The following PEX7 variants were observed in gnomAD, a reference collection of about 807,000 sequenced individuals.
The protein encoded by PEX7 is peroxisomal biogenesis factor 7, also known as PTS2 receptor.
In PEX7, 34 loss-of-function variants were observed where a neutral mutation model predicts 47.5. The ratio of observed to expected loss-of-function variants is 0.72; its 90% CI spans 0.54 to 0.95. The LOEUF is 0.95. PEX7 is among the 40% of genes least tolerant of loss of function. PEX7 has a pLI of 0.00. For synonymous variants in PEX7, 141 were observed against 148.8 expected, an observed-to-expected ratio of 0.95 and a Z score of 0.38; for missense variants, 394 against 400.3, an observed-to-expected ratio of 0.98 and a Z score of 0.13.
chr6:136,878,664 G>GT lies in PEX7; in HGVS notation c.803+6413dup, dbSNP rs1351267959. ...TTAAACAGTTTTGTTGAACCATTTT[G>GT]TTCTAGGTATGTTTTTGTATAGAGT... On this transcript the variant is annotated intron_variant, in intron 8 of 9. Transcript: ENST00000318471. 2.0e-5 allele frequency among the ~76,000 whole-genome samples: 3 copies of GT among 152,158 alleles called. No individual in the cohort carries two copies. The South Asian group carries it at 6.2e-4, about 32-fold the overall frequency.
At chr6:136,872,149 A>G (rs1293121096) in intron 7 of PEX7, 49 bp from the exon 8 acceptor site, 1 of 1,488,922 alleles carries the variant, frequency 6.7e-7, no homozygotes. Context: ...CAGTGTTATA[A>G]TCACAGCTGA....
chr6:136,892,799 A>G (rs987930553), intron 8 of PEX7, among the ~76,000 whole-genome samples: 15 of 152,314 alleles, frequency 9.8e-5, no homozygotes, highest in African/African-American at 3.4e-4. Flanking sequence ...ATCTTTTTTG[A>G]TGTCTTCTGT....
intron 6 of PEX7, among the ~76,000 whole-genome samples, chr6:136,868,051 A>G (rs1775107029): frequency 6.6e-6 from 1 of 152,222 alleles, no homozygotes; most frequent in African/African-American, 2.4e-5. Flanking sequence ...TACCTTTTCT[A>G]TGTTTAGATA....
chr6:136,865,911 C>T (rs559948644), intron 5 of PEX7, among the ~76,000 whole-genome samples: 32 of 152,098 alleles, frequency 2.1e-4, no homozygotes, highest in Admixed American at 4.6e-4. Flanking sequence ...GGCGAAACCC[C>T]GTCTCTACTA....
chr6:136,899,485 C>A (rs1000368115), intron 9 of PEX7, among the ~76,000 whole-genome samples: 4 of 152,112 alleles, frequency 2.6e-5, no homozygotes, highest in Admixed American at 6.5e-5. Flanking sequence ...CTCAAGTGAT[C>A]CACCTGCTTT....
intron 8 of PEX7, among the ~76,000 whole-genome samples, chr6:136,873,423 T>C (rs376528036): frequency 2.6e-5 from 4 of 152,128 alleles, no homozygotes; most frequent in African/African-American, 9.7e-5. Context: ...GGTAAACATA[T>C]GTAGTTTTGT....
At chr6:136,901,983 C>G (rs768628670) in intron 9 of PEX7, among the ~76,000 whole-genome samples, 3 of 152,150 alleles carry the variant, frequency 2.0e-5, no homozygotes, top group South Asian at 4.1e-4. Flanking sequence ...TGGGGTTTCT[C>G]TATGTTGGCC....
chr6:136,830,329 A>T, intron 3 of PEX7: 1 of 307,644 alleles, frequency 3.3e-6, no homozygotes. Flanking sequence ...CCAGTTACCC[A>T]CTTTACCACT....
At chr6:136,870,709 A>T (rs968366974) in intron 7 of PEX7, 5 of 387,030 alleles carry the variant, frequency 1.3e-5, no homozygotes, top group Middle Eastern at 8.5e-4. Context: ...AAAATTCTAA[A>T]TTTTTTTTTC....
intron 3 of PEX7, among the ~76,000 whole-genome samples, chr6:136,839,564 T>C (rs1477686454): frequency 6.6e-6 from 1 of 152,184 alleles, no homozygotes; most frequent in Non-Finnish European, 1.5e-5. Context: ...CAGATAGGCC[T>C]CTAGAGGACC....
At chr6:136,888,656 G>C (rs1299529270) in intron 8 of PEX7, among the ~76,000 whole-genome samples, 1 of 152,118 alleles carries the variant, frequency 6.6e-6, no homozygotes, top group Non-Finnish European at 1.5e-5. Flanking sequence ...GGTAGGACTT[G>C]TCTGTTTTAT....
At chr6:136,877,732 T>C (rs1775301098) in intron 8 of PEX7, among the ~76,000 whole-genome samples, 1 of 152,226 alleles carries the variant, frequency 6.6e-6, no homozygotes, top group African/African-American at 2.4e-5. Flanking sequence ...TAGTATACTT[T>C]GAAGTCAGGT....
intron 8 of PEX7, among the ~76,000 whole-genome samples, chr6:136,896,299 A>G (rs1305081550): frequency 6.6e-6 from 1 of 152,192 alleles, no homozygotes; most frequent in Non-Finnish European, 1.5e-5. Flanking sequence ...CTAAATTTCA[A>G]ATGAAGTCAG....
At chr6:136,866,353 A>T (rs985486759) in intron 5 of PEX7, among the ~76,000 whole-genome samples, 1 of 152,070 alleles carries the variant, frequency 6.6e-6, no homozygotes, top group African/African-American at 2.4e-5. Flanking sequence ...CCTCGAACAC[A>T]CACCAGCTGT....
At chr6:136,856,581 G>A (rs1340142097) in intron 5 of PEX7, among the ~76,000 whole-genome samples, 1 of 152,172 alleles carries the variant, frequency 6.6e-6, no homozygotes, top group East Asian at 1.9e-4. Flanking sequence ...TCTGTCATGG[G>A]CTCTGATGCG....
chr6:136,835,707 T>C (rs1360514993), intron 3 of PEX7, among the ~76,000 whole-genome samples: 1 of 152,216 alleles, frequency 6.6e-6, no homozygotes, highest in Non-Finnish European at 1.5e-5. Flanking sequence ...GCCACTGCCT[T>C]GACTTGGTAA....
chr6:136,830,160 G>A (rs12111383), intron 3 of PEX7: 22,147 of 641,326 alleles, frequency 0.035, 541 homozygotes, highest in African/African-American at 0.091. Flanking sequence ...GAGACCTTGC[G>A]TATGTCACAT....
chr6:136,836,642 A>G lies in PEX7; in HGVS notation c.340-8973A>G, dbSNP rs577679466. Among the ~76,000 whole-genome samples the G allele has an allele frequency of 2.6e-5, 4 of 152,326 alleles. No individual in the cohort carries two copies. In the South Asian group the frequency reaches 8.3e-4, roughly 32 times the overall value. On this transcript the variant is annotated intron_variant, in intron 3 of 9. Coordinates refer to ENST00000318471, the MANE Select transcript of PEX7 (RefSeq NM_000288.4). ...GTATTGTGATTATACATTCCTAATAAGATCAGTCTAATGAACAAAAATAAT... is the reference window on the plus strand; with the variant it reads ...GTATTGTGATTATACATTCCTAATAGGATCAGTCTAATGAACAAAAATAAT...
chr6:136,822,924 G>C (rs1390424284), intron 1 of PEX7, 129 bp downstream of exon 1: 2 of 1,210,484 alleles, frequency 1.7e-6, no homozygotes, highest in Non-Finnish European at 1.0e-6. Context: ...ACGCCAGGGG[G>C]CAGAAGAGGC....
Sources: gnomAD v4.1 joint callset for allele counts (sites outside exome capture counted in the v4.1 genomes callset) on GRCh38, gnomAD v4.1.1 for gene constraint, MANE v1.5 for transcripts, NCBI Gene and HGNC (gene_info 2026-07-23, HGNC 2026-07-21) for gene names.